Variants in SPIRE1 observed in about 807,000 individuals in gnomAD.
SPIRE1 encodes the protein spire type actin nucleation factor 1.
Under a neutral mutation model 94.1 loss-of-function variants are expected in SPIRE1, and 40 were observed. The ratio of observed to expected loss-of-function variants is 0.43; its 90% CI spans 0.33 to 0.55. The LOEUF (loss-of-function observed/expected upper bound fraction) is 0.55, where lower values mean the gene tolerates loss of function less well. Ranked by LOEUF, SPIRE1 falls within the 20% of genes least tolerant of loss-of-function variation. The pLI is 0.06. For missense variants in SPIRE1, 838 were observed against 975.2 expected (o/e 0.86, Z 1.87); for synonymous variants, 376 against 371.7 (o/e 1.01, Z -0.13).
intron 2 of SPIRE1, among the ~76,000 whole-genome samples, chr18:12,578,737 C>T (rs2036176907): frequency 6.6e-6 from 1 of 152,124 alleles, no homozygotes; most frequent in South Asian, 2.1e-4. Context: ...TCTTTAGTCA[C>T]CTAGTCTATG....
intron 1 of SPIRE1, among the ~76,000 whole-genome samples, chr18:12,643,249 T>C (rs1396830598): frequency 6.6e-6 from 1 of 152,188 alleles, no homozygotes; most frequent in Non-Finnish European, 1.5e-5. Context: ...TTGATTTGGA[T>C]TAAACTTTTC....
At chr18:12,485,891 G>T (rs1190881289) in intron 9 of SPIRE1, 68 bp downstream of exon 9, 1 of 1,150,984 alleles carries the variant, frequency 8.7e-7, no homozygotes, top group African/African-American at 1.6e-5. Flanking sequence ...ACAAGCAGAT[G>T]AATGAAATGT....
At chr18:12,587,501 A>C (rs2036418666) in intron 2 of SPIRE1, among the ~76,000 whole-genome samples, 1 of 151,174 alleles carries the variant, frequency 6.6e-6, no homozygotes, top group Non-Finnish European at 1.5e-5. Context: ...GCCCAGGAGC[A>C]TATTCTAAGA....
At chr18:12,510,595 T>C (rs544276899) in intron 5 of SPIRE1, among the ~76,000 whole-genome samples, 1 of 151,618 alleles carries the variant, frequency 6.6e-6, no homozygotes, top group Admixed American at 6.6e-5. Context: ...CAGGCTGGAG[T>C]GCAATGGTGC....
intron 2 of SPIRE1, among the ~76,000 whole-genome samples, chr18:12,625,287 G>T (rs114310504): frequency 0.025 from 3,856 of 152,230 alleles, 172 homozygotes; most frequent in African/African-American, 0.088. Flanking sequence ...TGCGGCCATG[G>T]GAATTCAGGT....
intron 2 of SPIRE1, among the ~76,000 whole-genome samples, chr18:12,584,019 G>C (rs2036326356): frequency 6.6e-6 from 1 of 152,022 alleles, no homozygotes; most frequent in Admixed American, 6.5e-5. Flanking sequence ...AGATATAAAA[G>C]AGATAATAAC....
At chr18:12,557,075 C>T (rs1310044593) in intron 2 of SPIRE1, among the ~76,000 whole-genome samples, 3 of 152,238 alleles carry the variant, frequency 2.0e-5, no homozygotes, top group Non-Finnish European at 4.4e-5. Context: ...AGAAGCCCAG[C>T]TGGCTTCACC....
chr18:12,532,629 T>C (rs535853520), intron 4 of SPIRE1, among the ~76,000 whole-genome samples: 112 of 152,320 alleles, frequency 7.4e-4, no homozygotes, highest in Non-Finnish European at 1.5e-3. Context: ...TATTTTGGGA[T>C]CTTCCGAAAA....
At chr18:12,562,649 G>A (rs1304894056) in intron 2 of SPIRE1, among the ~76,000 whole-genome samples, 1 of 90,928 alleles carries the variant, frequency 1.1e-5, no homozygotes, top group Non-Finnish European at 2.0e-5. Context: ...ATGCTCTCCC[G>A]CCCCCCACCC....
At chr18:12,470,800 A>G (rs2032326180) in intron 10 of SPIRE1, among the ~76,000 whole-genome samples, 1 of 151,840 alleles carries the variant, frequency 6.6e-6, no homozygotes, top group Non-Finnish European at 1.5e-5. Context: ...GCTTCCCGAA[A>G]TCTGCTTGTG....
At chr18:12,610,412 A>C (rs1449097331) in intron 2 of SPIRE1, among the ~76,000 whole-genome samples, 1 of 152,078 alleles carries the variant, frequency 6.6e-6, no homozygotes, top group East Asian at 1.9e-4. Flanking sequence ...CATTGATCTT[A>C]AGTTATATTT....
At chr18:12,524,791 T>C (rs984639742) in intron 4 of SPIRE1, among the ~76,000 whole-genome samples, 3 of 151,784 alleles carry the variant, frequency 2.0e-5, no homozygotes, top group African/African-American at 4.8e-5. Context: ...CTGGGCAGCA[T>C]AGCAAGACCC....
chr18:12,466,946 A>AG (rs1491292550), intron 10 of SPIRE1, among the ~76,000 whole-genome samples: 1 of 152,096 alleles, frequency 6.6e-6, no homozygotes, highest in African/African-American at 2.4e-5. Flanking sequence ...GTCAAAGAAC[A>AG]GGGCGGAAAA....
chr18:12,449,253 G>A lies in SPIRE1; in HGVS notation c.*385C>T, dbSNP rs983330450. ...ATGCCAATATGACTTACTGCTTAGGGCTGTGCTGACATCGGCATCTCTGTT... is the reference window on the plus strand; with the variant it reads ...ATGCCAATATGACTTACTGCTTAGGACTGTGCTGACATCGGCATCTCTGTT... On this transcript the variant is annotated 3_prime_UTR_variant, in exon 17 of 17. Transcript: ENST00000409402. 1.7e-5 allele frequency: 4 copies of A among 232,702 alleles called. No homozygotes were observed. The highest frequency in any genetic ancestry group is 9.2e-5 in the African/African-American group (4 of 43,328). The allele number at this position is 232,702 out of a possible 1,614,324, so 14.4% of individuals were successfully genotyped here.
chr18:12,605,260 T>C (rs1294103451), intron 2 of SPIRE1, among the ~76,000 whole-genome samples: 1 of 152,016 alleles, frequency 6.6e-6, no homozygotes, highest in Non-Finnish European at 1.5e-5. Context: ...GGCTCACGCC[T>C]GTAATCCCAG....
intron 2 of SPIRE1, among the ~76,000 whole-genome samples, chr18:12,586,584 C>G (rs2036396510): frequency 6.6e-6 from 1 of 152,178 alleles, no homozygotes; most frequent in South Asian, 2.1e-4. Flanking sequence ...AATGATGAAA[C>G]TAACAGTATG....
Position 12,541,978 on chromosome 18 carries a change from C to T in SPIRE1, c.603+4696G>A, listed in dbSNP as rs1346087670. 1.5e-4 allele frequency among the ~76,000 whole-genome samples: 21 copies of T among 144,410 alleles called. No homozygotes were observed. In the East Asian group the frequency reaches 4.2e-3, roughly 29 times the overall value. The allele number at this position is 144,410 out of a possible 152,430, so 94.7% of individuals were successfully genotyped here. On this transcript the variant is annotated intron_variant, in intron 3 of 16. Coordinates refer to ENST00000409402, the MANE Select transcript of SPIRE1 (RefSeq NM_001128626.2). Reference sequence around the variant, plus strand: ...GCCAATACAAAAATTATTAATGAGGCTTTTTTTTTTTCTTTTGAGATGGAG... The same window carrying T: ...GCCAATACAAAAATTATTAATGAGGTTTTTTTTTTTTCTTTTGAGATGGAG...
Position 12,528,642 on chromosome 18 carries a change from G to T in SPIRE1, c.729+6834C>A, listed in dbSNP as rs570725842. On this transcript the variant is annotated intron_variant, in intron 4 of 16. Coordinates refer to ENST00000409402, the MANE Select transcript of SPIRE1 (RefSeq NM_001128626.2). ...AACAGCTGCCCTGTCATGCTAAGGG[G>T]TTTACACTTTCCACCTACAAGTATC... 1.3e-3 allele frequency among the ~76,000 whole-genome samples: 194 copies of T among 152,232 alleles called. 1 individual carries two copies. Among genetic ancestry groups the T allele is most frequent in the Non-Finnish European group, 3.4e-4 (23 of 68,020 alleles).
At chr18:12,464,595 A>G (rs2032012054) in intron 11 of SPIRE1, among the ~76,000 whole-genome samples, 1 of 152,194 alleles carries the variant, frequency 6.6e-6, no homozygotes, top group African/African-American at 2.4e-5. Context: ...ATCTAAAACA[A>G]AACAAAACAG....
Sources: gnomAD v4.1 joint callset for allele counts (sites outside exome capture counted in the v4.1 genomes callset) on GRCh38, gnomAD v4.1.1 for gene constraint, MANE v1.5 for transcripts, NCBI Gene and HGNC (gene_info 2026-07-23, HGNC 2026-07-21) for gene names.